The following RPAIN variants were observed in gnomAD, a reference collection of about 807,000 sequenced individuals.
The protein encoded by RPAIN is RPA-interacting protein.
Under a neutral mutation model 30.5 loss-of-function variants are expected in RPAIN, and 29 were observed. The observed-to-expected ratio is 0.95, with a 90% CI of 0.71 to 1.30. The LOEUF (loss-of-function observed/expected upper bound fraction) is 1.30. Among genes scored for constraint, RPAIN ranks in the 50% most tolerant of loss-of-function variants. The probability of loss-of-function intolerance (pLI) is 0.00; values close to 1 mark genes in which losing one functional copy is unlikely to be tolerated. For synonymous variants in RPAIN, 101 were observed against 93.5 expected, an observed-to-expected ratio of 1.08 and a Z score of -0.46; for missense variants, 247 against 264.7, an observed-to-expected ratio of 0.93 and a Z score of 0.46.
At chr17:5,423,349 T>TAAAAAAAAAAAA (rs57082873) in intron 3 of RPAIN, among the ~76,000 whole-genome samples, 1 of 127,130 alleles carries the variant, frequency 7.9e-6, no homozygotes. Flanking sequence ...TCTACAGAAG[T>TAAAAAAAAAAAA]AAAAAAAAAA....
chr17:5,426,363 C>A (rs1915392708), intron 5 of RPAIN, 64 bp downstream of exon 5: 6 of 1,384,768 alleles, frequency 4.3e-6, no homozygotes, highest in Non-Finnish European at 6.2e-6. Flanking sequence ...TCTTGAAGAT[C>A]CTCCAGTGCT....
At chr17:5,421,577 C>G (rs1914844367) in intron 2 of RPAIN, 111 bp downstream of exon 2, 2 of 897,164 alleles carry the variant, frequency 2.2e-6, no homozygotes, top group East Asian at 5.5e-5. Flanking sequence ...CCCCTAACCC[C>G]ATTTAGAATT....
Position 5,432,684 on chromosome 17 carries a change from A to G in RPAIN, c.*113A>G. The G allele has an allele frequency of 1.8e-6, 2 of 1,124,402 alleles. No homozygotes were observed. Among genetic ancestry groups the G allele is most frequent in the Non-Finnish European group, 2.6e-6 (2 of 765,964 alleles). 69.7% of individuals were successfully genotyped at this position (1,124,402 alleles called of 1,614,324 possible). On this transcript the variant is annotated 3_prime_UTR_variant, in exon 7 of 7. Coordinates refer to ENST00000381209, the MANE Select transcript of RPAIN (RefSeq NM_001033002.4). ...ACTTATTTTGTATTGAAACTTTTAA[A>G]CAATACTGAAGAAAAAAAAACTTTT...
intron 3 of RPAIN, 61 bp downstream of exon 3, chr17:5,422,890 C>T (rs1915013553): frequency 1.5e-6 from 2 of 1,337,084 alleles, no homozygotes; most frequent in South Asian, 2.4e-5. Flanking sequence ...TGTGACCTTT[C>T]CTCCAATCAG....
Position 5,420,600 on chromosome 17 carries a change from G to A in RPAIN, c.81+309G>A, listed in dbSNP as rs1186852975. On this transcript the variant is annotated intron_variant, in intron 1 of 6. Coordinates refer to ENST00000381209, the MANE Select transcript of RPAIN (RefSeq NM_001033002.4). ...CGAGAGAGGCACTTTGTCTACGTTCGTCTTGTGAGATAGAGATGATTTCTA... is the reference window on the plus strand; with the variant it reads ...CGAGAGAGGCACTTTGTCTACGTTCATCTTGTGAGATAGAGATGATTTCTA... Among the ~76,000 whole-genome samples the A allele has an allele frequency of 1.5e-4, 22 of 151,694 alleles. 1 individual carries two copies. The highest frequency in any genetic ancestry group is 1.4e-3 in the Admixed American group (21 of 15,200).
At position 5,420,351 on chromosome 17, in the gene RPAIN, C is replaced by T. The variant is rs1914625433; in HGVS notation, c.81+60C>T. On this transcript the variant is annotated intron_variant, in intron 1 of 6. Coordinates refer to ENST00000381209, the MANE Select transcript of RPAIN (RefSeq NM_001033002.4). The stretch of plus-strand genomic sequence containing the variant: ...ATCGTCCCGGTGACCGCCGTCTTCC[C>T]TGCCTTCGCCTTAGCCCTGCTCCGT... 17 of 1,449,368 alleles carry T rather than the reference C, an allele frequency of 1.2e-5. No individual in the cohort carries two copies. The South Asian group carries it at 1.9e-4, about 16-fold the overall frequency. 89.8% of individuals were successfully genotyped at this position (1,449,368 alleles called of 1,614,324 possible). A position where few individuals can be genotyped will look rare whatever the true frequency, so the allele number is the denominator to read the frequency against.
At chr17:5,421,983 T>C (rs1434142471) in intron 2 of RPAIN, 1 of 152,510 alleles carries the variant, frequency 6.6e-6, no homozygotes, top group African/African-American at 2.4e-5. Flanking sequence ...GGATGGGGTT[T>C]CACCATGTTG....
In RPAIN at chr17:5,420,242, C is replaced by G. The variant is rs1265708459; in HGVS notation, c.32C>G (p.Ser11Cys). Residue 11 changes from serine (S) to cysteine (C), a missense_variant, in exon 1 of 7, where the codon TCC (serine) becomes TGC (cysteine). Physicochemically the swap from Ser to Cys is moderately radical, Grantham distance 112. Transcript: ENST00000381209. Reference protein sequence around the residue: MAESLRSPRRSLYKLVGSPPW... With the variant: MAESLRSPRRCLYKLVGSPPW... ...GAGTCGTTGAGGTCTCCGCGCCGCT[C>G]CCTGTACAAACTGGTGGGCTCGCCG... 2.5e-6 allele frequency: 4 copies of G among 1,613,740 alleles called. No individual in the cohort carries two copies. Among genetic ancestry groups the G allele is most frequent in the African/African-American group, 2.7e-5 (2 of 74,926 alleles).
intron 6 of RPAIN, chr17:5,431,424 T>A (rs1474244859): frequency 2.3e-6 from 1 of 441,976 alleles, no homozygotes; most frequent in Non-Finnish European, 4.4e-6. Flanking sequence ...GAGGCAGAGG[T>A]TGCAGTGAGC....
intron 6 of RPAIN, 138 bp from the exon 7 acceptor site, chr17:5,432,404 C>A: frequency 1.3e-6 from 1 of 782,432 alleles, no homozygotes; most frequent in Non-Finnish European, 2.2e-6. Flanking sequence ...TCATGACAAA[C>A]TACACTACTG....
rs368715491 is a variant in RPAIN at position 5,429,421 on chromosome 17, A to G, written c.630+1210A>G. 1.4e-4 allele frequency: 140 copies of G among 985,364 alleles called. No individual in the cohort carries two copies. In the African/African-American group the frequency reaches 2.1e-3, roughly 15 times the overall value. 61.0% of individuals were successfully genotyped at this position (985,364 alleles called of 1,614,324 possible). On this transcript the variant is annotated intron_variant, in intron 6 of 6. Transcript: ENST00000381209. The stretch of plus-strand genomic sequence containing the variant: ...CTGGAGCATTAGGTTCATGAGGGAG[A>G]GGATAGTTCCTGTTAGGAATAGGAA...
intron 6 of RPAIN, chr17:5,431,659 A>T (rs139836588): frequency 1.3e-5 from 6 of 456,212 alleles, no homozygotes; most frequent in Admixed American, 7.1e-5. Context: ...GGACGTAGGG[A>T]CGCTCAGGAC....
intron 3 of RPAIN, 31 bp from the exon 4 acceptor site, chr17:5,425,940 G>C: frequency 7.0e-7 from 1 of 1,435,702 alleles, no homozygotes; most frequent in Non-Finnish European, 9.8e-7. Flanking sequence ...CTGAAGCATG[G>C]TGAAGCCCTC....
At chr17:5,432,203 C>CACTAAAAAA in intron 6 of RPAIN, 1 of 261,756 alleles carries the variant, frequency 3.8e-6, no homozygotes, top group South Asian at 7.0e-5. Context: ...CTGCTGGGCT[C>CACTAAAAAA]TAAAAGCTCC....
At chr17:5,426,590 A>C (rs1230402978) in intron 5 of RPAIN, 4 of 326,906 alleles carry the variant, frequency 1.2e-5, no homozygotes, top group Non-Finnish European at 2.3e-5. Flanking sequence ...GTTTCATAAA[A>C]ATTTTCTATA....
At chr17:5,423,765 T>G (rs978089385) in intron 3 of RPAIN, among the ~76,000 whole-genome samples, 2 of 152,100 alleles carry the variant, frequency 1.3e-5, no homozygotes, top group African/African-American at 2.4e-5. Context: ...TGGTTTTTGT[T>G]TTTGTTTTTT....
At chr17:5,428,994 G>A in intron 6 of RPAIN, 1 of 963,602 alleles carries the variant, frequency 1.0e-6, no homozygotes, top group South Asian at 4.8e-5. Context: ...AAGCAGCATT[G>A]CCTGGTAACA....
intron 5 of RPAIN, chr17:5,426,675 CTGT>C (rs1310901897): frequency 5.7e-6 from 1 of 175,080 alleles, no homozygotes; most frequent in Non-Finnish European, 1.2e-5. Flanking sequence ...GAGTCTCACT[CTGT>C]TGCCCAGGCT....
intron 3 of RPAIN, 23 bp downstream of exon 3, chr17:5,422,852 C>A: frequency 6.4e-7 from 1 of 1,572,430 alleles, no homozygotes; most frequent in Non-Finnish European, 8.7e-7. Flanking sequence ...GGTAGTCCTT[C>A]CTTACCTGTA....
Sources: allele counts gnomAD v4.1 joint callset (sites outside exome capture counted in the v4.1 genomes callset), GRCh38; gene constraint gnomAD v4.1.1; transcripts MANE v1.5; gene names NCBI Gene and HGNC (gene_info 2026-07-23, HGNC 2026-07-21).